The following WWOX variants were observed in gnomAD, a reference collection of about 807,000 sequenced individuals.
WWOX encodes WW domain-containing oxidoreductase.
Under a neutral mutation model 46.2 loss-of-function variants are expected in WWOX, and 69 were observed. The observed-to-expected ratio is 1.49, with a 90% CI of 1.23 to 1.82. WWOX has a LOEUF of 1.82. Among genes scored for constraint, WWOX ranks in the 40% most tolerant of loss-of-function variants. The pLI, the probability that WWOX is intolerant of heterozygous loss-of-function variation, is 0.00. For synonymous variants in WWOX, 359 were observed against 202.6 expected (o/e 1.77, Z -6.56); for missense variants, 919 against 542.6 (o/e 1.69, Z -6.89).
intron 8 of WWOX, among the ~76,000 whole-genome samples, chr16:79,034,519 C>T (rs936074629): frequency 1.3e-5 from 2 of 152,144 alleles, no homozygotes; most frequent in African/African-American, 4.8e-5. Flanking sequence ...GTATTTTGCC[C>T]CCTCACCGAA....
chr16:78,186,936 A>G (rs895344469), intron 5 of WWOX, among the ~76,000 whole-genome samples: 2 of 152,164 alleles, frequency 1.3e-5, no homozygotes, highest in African/African-American at 4.8e-5. Flanking sequence ...CTGGCATGAT[A>G]ATATTAACTA....
intron 8 of WWOX, among the ~76,000 whole-genome samples, chr16:79,080,382 C>T (rs150455054): frequency 4.2e-4 from 64 of 152,328 alleles, no homozygotes; most frequent in African/African-American, 1.5e-3. Flanking sequence ...GGAATTTGCA[C>T]ATTATAGTCA....
rs543222326 is a variant in WWOX at position 78,344,759 on chromosome 16, G to T, written c.517-42101G>T. ...AACTTCCCAAGTCAGTTGCCATTTG[G>T]CCCTGATAAAGCTGTACTTTCTCAC... On this transcript the variant is annotated intron_variant, in intron 5 of 8. Transcript: ENST00000566780. Among the ~76,000 whole-genome samples the T allele has an allele frequency of 2.5e-5, 3 of 121,468 alleles. 1 individual carries two copies. The highest frequency in any genetic ancestry group is 8.0e-5 in the Admixed American group (1 of 12,558). 79.7% of individuals were successfully genotyped at this position (121,468 alleles called of 152,430 possible).
chr16:79,087,441 C>G (rs1276410392), intron 8 of WWOX, among the ~76,000 whole-genome samples: 2 of 152,178 alleles, frequency 1.3e-5, no homozygotes, highest in Admixed American at 1.3e-4. Flanking sequence ...TTGTAGGCAG[C>G]TTTTCATTTT....
chr16:78,431,182 G>A (rs892105469), intron 7 of WWOX, among the ~76,000 whole-genome samples: 2 of 152,194 alleles, frequency 1.3e-5, no homozygotes, highest in Non-Finnish European at 2.9e-5. Flanking sequence ...GGTGTTTAAC[G>A]ACTCCGTCAG....
At chr16:78,463,504 T>C (rs2084002570) in intron 8 of WWOX, among the ~76,000 whole-genome samples, 2 of 152,320 alleles carry the variant, frequency 1.3e-5, no homozygotes, top group South Asian at 2.1e-4. Context: ...GCTGTCATTA[T>C]TGATAAACAT....
intron 8 of WWOX, among the ~76,000 whole-genome samples, chr16:78,501,190 TCTC>T (rs1567609002): frequency 2.0e-5 from 2 of 98,920 alleles, no homozygotes; most frequent in African/African-American, 8.2e-5. Context: ...TCTCTTTCTT[TCTC>T]TTTTTTTTTT....
rs181934388 is a variant in WWOX at position 78,541,664 on chromosome 16, T to G, written c.1056+108912T>G. Among the ~76,000 whole-genome samples, 13 of 152,056 alleles carry G rather than the reference T, an allele frequency of 8.5e-5. No individual in the cohort carries two copies. In the East Asian group the frequency reaches 2.5e-3, roughly 30 times the overall value. ...AATCCCGCCTCTATCATGAATTGGC[T>G]GTGAGGTGTGACATTGAAAAAGTGA... is the stretch of plus-strand genomic sequence containing the variant. On this transcript the variant is annotated intron_variant, in intron 8 of 8. Coordinates refer to ENST00000566780, the MANE Select transcript of WWOX (RefSeq NM_016373.4).
At chr16:78,942,178 G>A (rs1352425232) in intron 8 of WWOX, among the ~76,000 whole-genome samples, 3 of 152,142 alleles carry the variant, frequency 2.0e-5, no homozygotes, top group Non-Finnish European at 2.9e-5. Context: ...GAGTGGGTGC[G>A]TCTTTGTGTG....
intron 5 of WWOX, among the ~76,000 whole-genome samples, chr16:78,171,835 C>T (rs1017960139): frequency 6.6e-6 from 1 of 152,166 alleles, no homozygotes; most frequent in Non-Finnish European, 1.5e-5. Context: ...AGCGCATGCT[C>T]ACAAAGGAAC....
In WWOX at chr16:78,107,758, C is replaced by T. The variant is rs552755341; in HGVS notation, c.108-665C>T. The stretch of plus-strand genomic sequence containing the variant: ...GCTGAAATAGGAGGGTTACTTGAGT[C>T]CAGGAGTTCCAGTCCAGCCTGGGCA... On this transcript the variant is annotated intron_variant, in intron 1 of 8. Coordinates refer to ENST00000566780, the MANE Select transcript of WWOX (RefSeq NM_016373.4). Among the ~76,000 whole-genome samples the T allele has an allele frequency of 1.2e-4, 19 of 152,204 alleles. No individual in the cohort carries two copies. In the East Asian group the frequency reaches 3.3e-3, roughly 26 times the overall value.
intron 5 of WWOX, among the ~76,000 whole-genome samples, chr16:78,359,590 T>C (rs2081366314): frequency 6.6e-6 from 1 of 152,218 alleles, no homozygotes; most frequent in Non-Finnish European, 1.5e-5. Flanking sequence ...TTATAGCTTA[T>C]GAGTTAAAGC....
At chr16:79,143,431 T>TA (rs2050127507) in intron 8 of WWOX, among the ~76,000 whole-genome samples, 1 of 152,216 alleles carries the variant, frequency 6.6e-6, no homozygotes, top group Non-Finnish European at 1.5e-5. Flanking sequence ...CTTTATGACT[T>TA]ACCTGAACGG....
intron 8 of WWOX, chr16:78,552,252 A>C (rs2044192240): frequency 6.6e-6 from 1 of 152,056 alleles, no homozygotes; most frequent in African/African-American, 2.4e-5. Context: ...AGGCCGTCTC[A>C]CTCCGTAAAC....
chr16:78,306,061 C>T (rs889812799), intron 5 of WWOX, among the ~76,000 whole-genome samples: 2 of 152,098 alleles, frequency 1.3e-5, no homozygotes, highest in Non-Finnish European at 2.9e-5. Context: ...TAGACACCTG[C>T]CCACAGAGAC....
At chr16:78,826,420 C>G (rs571047400) in intron 8 of WWOX, among the ~76,000 whole-genome samples, 2 of 152,330 alleles carry the variant, frequency 1.3e-5, no homozygotes, top group East Asian at 1.9e-4. Context: ...CAGGGCTATA[C>G]TTACTTTGGA....
intron 5 of WWOX, among the ~76,000 whole-genome samples, chr16:78,332,850 A>G (rs1462031118): frequency 6.6e-6 from 1 of 152,100 alleles, no homozygotes; most frequent in Non-Finnish European, 1.5e-5. Flanking sequence ...CAGAAATTTA[A>G]AATTGCTTCA....
Position 78,110,195 on chromosome 16 carries a change from C to T in WWOX, c.230+360C>T, listed in dbSNP as rs973374372. Among the ~76,000 whole-genome samples, 49 of 151,932 alleles carry T rather than the reference C, an allele frequency of 3.2e-4. 1 individual carries two copies. Among genetic ancestry groups the T allele is most frequent in the African/African-American group, 1.2e-3 (49 of 41,442 alleles). On this transcript the variant is annotated intron_variant, in intron 3 of 8. Coordinates refer to ENST00000566780, the MANE Select transcript of WWOX (RefSeq NM_016373.4). Reference sequence around the variant, plus strand: ...TCTCTACTAAAAATATAAAAATGAGCTGGGTGTGGTGGCACGTGCCTGTGG... The same window carrying T: ...TCTCTACTAAAAATATAAAAATGAGTTGGGTGTGGTGGCACGTGCCTGTGG...
At chr16:78,643,710 C>T (rs1242412367) in intron 8 of WWOX, among the ~76,000 whole-genome samples, 1 of 152,032 alleles carries the variant, frequency 6.6e-6, no homozygotes, top group Non-Finnish European at 1.5e-5. Flanking sequence ...GGGTTCCTTA[C>T]CTTCTAGGAA....
Sources: allele counts gnomAD v4.1 joint callset (sites outside exome capture counted in the v4.1 genomes callset), GRCh38; gene constraint gnomAD v4.1.1; transcripts MANE v1.5; gene names NCBI Gene and HGNC (gene_info 2026-07-23, HGNC 2026-07-21).